Variants in EPHB1 observed in about 807,000 individuals in gnomAD.
EPHB1 encodes ephrin type-B receptor 1.
EPHB1 carries 30 observed loss-of-function variants against 94.4 expected under a neutral mutation model. The observed-to-expected ratio is 0.32, with a 90% confidence interval of 0.24 to 0.43. EPHB1 has a LOEUF of 0.43. Ranked by LOEUF, EPHB1 falls within the 20% of genes least tolerant of loss-of-function variation. EPHB1 has a pLI of 1.00. For synonymous variants in EPHB1, 522 were observed against 489.1 expected (o/e 1.07, Z -0.89); for missense variants, 1,055 against 1,308.3 (o/e 0.81, Z 2.99).
At chr3:135,075,544 C>T (rs1004799970) in intron 3 of EPHB1, among the ~76,000 whole-genome samples, 7 of 152,220 alleles carry the variant, frequency 4.6e-5, no homozygotes, top group Non-Finnish European at 1.0e-4. Flanking sequence ...TCTCTTTCTT[C>T]TGCCTCCCAC....
Position 135,180,095 on chromosome 3 carries a change from T to G in EPHB1, c.1882+113T>G. ...AGCCCCATTAGGAGGAGAGCTTCTA[T>G]CTTCTTTCTCCTCAGAAGATGAGTC... On this transcript the variant is annotated intron_variant, in intron 10 of 15. Coordinates refer to ENST00000398015, the MANE Select transcript of EPHB1 (RefSeq NM_004441.5). The G allele has an allele frequency of 3.2e-6, 4 of 1,247,240 alleles. No individual in the cohort carries two copies. In the East Asian group the frequency reaches 9.6e-5, roughly 30 times the overall value. The allele number at this position is 1,247,240 out of a possible 1,614,324, so 77.3% of individuals were successfully genotyped here.
At chr3:134,941,189 C>T (rs943444662) in intron 2 of EPHB1, among the ~76,000 whole-genome samples, 20 of 152,192 alleles carry the variant, frequency 1.3e-4, no homozygotes, top group Non-Finnish European at 2.5e-4. Context: ...AACTATCAAA[C>T]ATCTTTCCAG....
chr3:134,923,675 A>T (rs765760529), intron 1 of EPHB1, among the ~76,000 whole-genome samples: 1 of 152,214 alleles, frequency 6.6e-6, no homozygotes, highest in Non-Finnish European at 1.5e-5. Flanking sequence ...TTTCTTCCAC[A>T]TAGCTCCCCA....
At chr3:135,203,490 A>T (rs1942812812) in intron 12 of EPHB1, among the ~76,000 whole-genome samples, 1 of 152,204 alleles carries the variant, frequency 6.6e-6, no homozygotes, top group Non-Finnish European at 1.5e-5. Flanking sequence ...ACGGCCATCT[A>T]GTAAATATTC....
chr3:135,186,553 T>C (rs1254989557), intron 10 of EPHB1, among the ~76,000 whole-genome samples: 1 of 152,202 alleles, frequency 6.6e-6, no homozygotes, highest in East Asian at 1.9e-4. Context: ...TTTCCTTTTT[T>C]TCCCCCCAAG....
intron 3 of EPHB1, among the ~76,000 whole-genome samples, chr3:135,069,517 T>C (rs1937635964): frequency 6.6e-6 from 1 of 152,070 alleles, no homozygotes; most frequent in Non-Finnish European, 1.5e-5. Context: ...AGAAAGGCCA[T>C]ATGAAGATGA....
At chr3:135,191,653 G>A (rs1576458430) in intron 10 of EPHB1, among the ~76,000 whole-genome samples, 1 of 147,134 alleles carries the variant, frequency 6.8e-6, no homozygotes, top group Non-Finnish European at 1.5e-5. Flanking sequence ...TTTTTTTTTA[G>A]GCAGCTATGA....
chr3:134,828,826 G>A (rs1326434002), intron 1 of EPHB1, among the ~76,000 whole-genome samples: 1 of 152,208 alleles, frequency 6.6e-6, no homozygotes, highest in Non-Finnish European at 1.5e-5. Flanking sequence ...TTGGTTTGGT[G>A]ATGCTTCTCA....
At chr3:135,118,669 G>A (rs1025610438) in intron 4 of EPHB1, among the ~76,000 whole-genome samples, 1 of 152,138 alleles carries the variant, frequency 6.6e-6, no homozygotes, top group Non-Finnish European at 1.5e-5. Flanking sequence ...CTAAGATGGG[G>A]AAGGATCACA....
rs570337723 is a variant in EPHB1, at chr3:134,832,902, C to T, written c.58+37213C>T. Among the ~76,000 whole-genome samples, 22 of 152,346 alleles carry T rather than the reference C, an allele frequency of 1.4e-4. No homozygotes were observed. The East Asian group carries it at 4.2e-3, about 29-fold the overall frequency. On this transcript the variant is annotated intron_variant, in intron 1 of 15. Transcript: ENST00000398015. ...AATTCAGTGTATTTAATGTTGCGTT[C>T]AATCACTCACGGTTTATGTGATTCT...
chr3:135,019,633 A>G (rs1170067595), intron 3 of EPHB1, among the ~76,000 whole-genome samples: 4 of 152,190 alleles, frequency 2.6e-5, no homozygotes, highest in Non-Finnish European at 4.4e-5. Flanking sequence ...TGTGTATGGG[A>G]TCACATTGTA....
intron 1 of EPHB1, among the ~76,000 whole-genome samples, chr3:134,903,340 G>C (rs983029702): frequency 2.0e-5 from 3 of 152,136 alleles, no homozygotes; most frequent in African/African-American, 7.2e-5. Flanking sequence ...TCCTACTGGT[G>C]CTGGCAAAAC....
chr3:135,154,449 TC>T, intron 6 of EPHB1, 173 bp downstream of exon 6: 2 of 870,902 alleles, frequency 2.3e-6, no homozygotes, highest in Non-Finnish European at 3.4e-6. Flanking sequence ...AAAGCCTTGT[TC>T]AAAGCCCAGG....
In EPHB1 at chr3:134,803,296, T is replaced by G. The variant is rs188290659; in HGVS notation, c.58+7607T>G. 2.7e-4 allele frequency among the ~76,000 whole-genome samples: 41 copies of G among 152,238 alleles called. 1 individual carries two copies. The East Asian group carries it at 7.9e-3, about 29-fold the overall frequency. ...TCCTTGCTCTGCTTCTCCATTTCCC[T>G]GTGAAGGTGATAATGAACAGAGAAA... On this transcript the variant is annotated intron_variant, in intron 1 of 15. Coordinates refer to ENST00000398015, the MANE Select transcript of EPHB1 (RefSeq NM_004441.5).
intron 1 of EPHB1, among the ~76,000 whole-genome samples, chr3:134,882,120 G>A (rs1332141913): frequency 6.6e-6 from 1 of 152,130 alleles, no homozygotes; most frequent in Admixed American, 6.5e-5. Flanking sequence ...AACACTAGAG[G>A]AATCATATAC....
intron 3 of EPHB1, among the ~76,000 whole-genome samples, chr3:135,011,220 A>G (rs991274656): frequency 1.3e-5 from 2 of 152,216 alleles, no homozygotes; most frequent in Admixed American, 1.3e-4. Flanking sequence ...TGGTCAGCTG[A>G]ACATGGCATT....
intron 3 of EPHB1, among the ~76,000 whole-genome samples, chr3:135,037,746 T>C (rs1275211960): frequency 1.3e-5 from 2 of 152,222 alleles, no homozygotes; most frequent in Non-Finnish European, 2.9e-5. Flanking sequence ...GGTACAAGAT[T>C]GAAATGTGGA....
chr3:135,056,051 A>G (rs1190428136), intron 3 of EPHB1, among the ~76,000 whole-genome samples: 1 of 152,196 alleles, frequency 6.6e-6, no homozygotes, highest in Non-Finnish European at 1.5e-5. Flanking sequence ...CCCACCTATC[A>G]GACCACTTAC....
chr3:135,256,518 C>G (rs1933395776), intron 15 of EPHB1, among the ~76,000 whole-genome samples: 1 of 152,116 alleles, frequency 6.6e-6, no homozygotes, highest in Non-Finnish European at 1.5e-5. Flanking sequence ...GTTGAAAATT[C>G]TTTTCTTTAA....
Sources: gnomAD v4.1 joint callset for allele counts (sites outside exome capture counted in the v4.1 genomes callset) on GRCh38, gnomAD v4.1.1 for gene constraint, MANE v1.5 for transcripts, NCBI Gene and HGNC (gene_info 2026-07-23, HGNC 2026-07-21) for gene names.